The following MVB12B variants were observed in gnomAD, a reference collection of about 807,000 sequenced individuals.
The protein encoded by MVB12B is multivesicular body subunit 12B, also known as ESCRT-I complex subunit MVB12B.
A neutral mutation model predicts 41.6 loss-of-function variants in MVB12B; 16 were observed. The ratio of observed to expected loss-of-function variants is 0.38; its 90% CI spans 0.26 to 0.58. The LOEUF is 0.58. Among genes scored for constraint, MVB12B ranks in the 20% least tolerant of loss-of-function variants. The probability of loss-of-function intolerance (pLI) is 0.62; values close to 1 mark genes in which losing one functional copy is unlikely to be tolerated. For missense variants in MVB12B, 274 were observed against 380.2 expected (o/e 0.72, Z 2.32); for synonymous variants, 133 against 139.7 (o/e 0.95, Z 0.34).
chr9:126,358,720 ATTATG>A (rs1362079625), intron 2 of MVB12B, among the ~76,000 whole-genome samples: 1 of 152,204 alleles, frequency 6.6e-6, no homozygotes, highest in African/African-American at 2.4e-5. Flanking sequence ...TATGTAGATA[ATTATG>A]TTGTGTGTGA....
At chr9:126,381,202 G>T in intron 3 of MVB12B, 31 bp downstream of exon 3, 1 of 1,427,096 alleles carries the variant, frequency 7.0e-7, no homozygotes, top group Non-Finnish European at 9.9e-7. Context: ...CATTTGCTGA[G>T]TGAGCACAAG....
intron 7 of MVB12B, chr9:126,481,046 TCC>T (rs1207810090): frequency 1.8e-5 from 6 of 324,668 alleles, no homozygotes; most frequent in Non-Finnish European, 3.4e-5. Flanking sequence ...CTGGTGACTC[TCC>T]CGTTACAGAT....
intron 7 of MVB12B, among the ~76,000 whole-genome samples, chr9:126,426,241 A>G (rs1832172208): frequency 6.6e-6 from 1 of 152,254 alleles, no homozygotes; most frequent in Non-Finnish European, 1.5e-5. Flanking sequence ...CTCCTAAGCC[A>G]TGGGTGCTAT....
intron 6 of MVB12B, among the ~76,000 whole-genome samples, chr9:126,413,877 G>A (rs937765920): frequency 4.7e-5 from 7 of 149,970 alleles, no homozygotes. Flanking sequence ...GATCAAAGTG[G>A]CAGGTGCCTC....
intron 6 of MVB12B, among the ~76,000 whole-genome samples, chr9:126,406,272 G>A (rs1033990390): frequency 3.9e-5 from 6 of 152,160 alleles, no homozygotes; most frequent in Non-Finnish European, 7.3e-5. Context: ...CCTTGCATGG[G>A]ACCAAAAATC....
intron 2 of MVB12B, among the ~76,000 whole-genome samples, chr9:126,354,629 GA>G (rs1360383218): frequency 1.3e-5 from 2 of 152,178 alleles, no homozygotes; most frequent in Non-Finnish European, 2.9e-5. Context: ...GCTACACTGA[GA>G]AGGACACAGC....
At chr9:126,437,335 T>A (rs1832509391) in intron 7 of MVB12B, among the ~76,000 whole-genome samples, 1 of 152,220 alleles carries the variant, frequency 6.6e-6, no homozygotes, top group South Asian at 2.1e-4. Flanking sequence ...GAGTACAGTT[T>A]GCAAAACTAT....
intron 4 of MVB12B, among the ~76,000 whole-genome samples, chr9:126,388,697 A>G (rs555573701): frequency 2.6e-5 from 4 of 151,988 alleles, no homozygotes; most frequent in African/African-American, 4.8e-5. Flanking sequence ...GCAATTTGTT[A>G]TTGTCTGTCT....
intron 7 of MVB12B, among the ~76,000 whole-genome samples, chr9:126,479,221 G>A (rs557882750): frequency 6.6e-5 from 10 of 152,246 alleles, no homozygotes; most frequent in Admixed American, 2.6e-4. Context: ...AGCAAGCACC[G>A]ACTTCTCAGA....
At chr9:126,476,673 G>A (rs1274656312) in intron 7 of MVB12B, among the ~76,000 whole-genome samples, 4 of 151,880 alleles carry the variant, frequency 2.6e-5, no homozygotes, top group East Asian at 1.9e-4. Flanking sequence ...TCAGGAGATC[G>A]AGACCATCCT....
Position 126,504,510 on chromosome 9 carries a change from AAG to A in MVB12B, c.*1248_*1249del. The A allele has an allele frequency of 6.6e-6, 1 of 152,538 alleles. No individual in the cohort carries two copies. The highest frequency in any genetic ancestry group is 6.5e-5 in the Admixed American group (1 of 15,286). The allele number at this position is 152,538 out of a possible 1,614,324, so 9.4% of individuals were successfully genotyped here. On this transcript the variant is annotated 3_prime_UTR_variant, in exon 10 of 10. Coordinates refer to ENST00000361171, the MANE Select transcript of MVB12B (RefSeq NM_033446.3). ...GGGGCTGCACTACCTGCGTCCGTGG[AAG>A]CCTCTGCCTCAGCGGGGACGGCCTC...
intron 6 of MVB12B, among the ~76,000 whole-genome samples, chr9:126,411,721 C>T (rs1831657700): frequency 6.6e-6 from 1 of 150,926 alleles, no homozygotes; most frequent in African/African-American, 2.4e-5. Flanking sequence ...GAGGTTGGCT[C>T]CAAAATCAAT....
At chr9:126,388,264 C>T (rs903620475) in intron 4 of MVB12B, among the ~76,000 whole-genome samples, 1 of 152,326 alleles carries the variant, frequency 6.6e-6, no homozygotes, top group Admixed American at 6.5e-5. Context: ...CTATTCTGGA[C>T]ATCTCATATA....
rs1048744694 is a variant in MVB12B at position 126,473,931 on chromosome 9, T to C, written c.758-7438T>C. Among the ~76,000 whole-genome samples the C allele has an allele frequency of 6.6e-6, 1 of 152,232 alleles. No homozygotes were observed. Among genetic ancestry groups the C allele is most frequent in the Non-Finnish European group, 1.5e-5 (1 of 68,038 alleles). On this transcript the variant is annotated intron_variant, in intron 7 of 9. Transcript: ENST00000361171. This position sits in a 1 kb window ranked among gnomAD's most constrained non-coding sequence, Gnocchi z 4.0. ...CCTTTCCTTTTCTATTTTGTAGAAC[T>C]GGGCTTGGGGAGAACTTCTTTACCT... is the stretch of plus-strand genomic sequence containing the variant.
At chr9:126,355,920 T>TA (rs1359205947) in intron 2 of MVB12B, among the ~76,000 whole-genome samples, 3 of 152,222 alleles carry the variant, frequency 2.0e-5, no homozygotes, top group Non-Finnish European at 2.9e-5. Flanking sequence ...GGAAATCCTG[T>TA]ACCCATTAAA....
At chr9:126,418,843 C>G (rs538055562) in intron 6 of MVB12B, among the ~76,000 whole-genome samples, 13 of 152,312 alleles carry the variant, frequency 8.5e-5, no homozygotes, top group African/African-American at 2.4e-4. Context: ...TTCCAGGGAG[C>G]CTTCTCCTAC....
At chr9:126,416,028 G>T (rs1171917745) in intron 6 of MVB12B, among the ~76,000 whole-genome samples, 1 of 152,236 alleles carries the variant, frequency 6.6e-6, no homozygotes, top group Non-Finnish European at 1.5e-5. Context: ...TGAATGCAGG[G>T]AGGGTGGACA....
intron 7 of MVB12B, among the ~76,000 whole-genome samples, chr9:126,450,071 T>TGG (rs1456710849): frequency 6.6e-6 from 1 of 152,232 alleles, no homozygotes; most frequent in Non-Finnish European, 1.5e-5. Context: ...CCTCCTCACA[T>TGG]CTAACATCAG....
chr9:126,470,888 A>G (rs1265388244), intron 7 of MVB12B, among the ~76,000 whole-genome samples: 1 of 152,160 alleles, frequency 6.6e-6, no homozygotes, highest in African/African-American at 2.4e-5. Context: ...AAAAAGGTCA[A>G]CCGTGAAAGG....
Sources: allele counts gnomAD v4.1 joint callset (sites outside exome capture counted in the v4.1 genomes callset), GRCh38; gene constraint gnomAD v4.1.1; non-coding constraint Gnocchi (gnomAD v3.1); transcripts MANE v1.5; gene names NCBI Gene and HGNC (gene_info 2026-07-23, HGNC 2026-07-21).